FBXW8: variants seen among roughly 807,000 people sequenced by gnomAD.
FBXW8 encodes the protein F-box and WD repeat domain containing 8, also known as F-box/WD repeat-containing protein 8.
Under a neutral mutation model 65.3 loss-of-function variants are expected in FBXW8, and 57 were observed. That is an observed-to-expected ratio of 0.87 (90% CI 0.71 to 1.09). The LOEUF (loss-of-function observed/expected upper bound fraction) is 1.09. Ranked by LOEUF, FBXW8 falls within the 50% of genes least tolerant of loss-of-function variation. FBXW8 has a pLI of 0.00. For missense variants in FBXW8, 777 were observed against 814.8 expected (o/e 0.95, Z 0.57); for synonymous variants, 308 against 330.2 (o/e 0.93, Z 0.73).
chr12:116,941,807 T>C (rs1882584349), intron 2 of FBXW8, among the ~76,000 whole-genome samples: 1 of 152,214 alleles, frequency 6.6e-6, no homozygotes, highest in Admixed American at 6.5e-5. Context: ...TTTAAATTTC[T>C]TTACTCTGTT....
At chr12:117,027,335 G>T in intron 9 of FBXW8, 59 bp from the exon 10 acceptor site, 1 of 1,305,282 alleles carries the variant, frequency 7.7e-7, no homozygotes. Flanking sequence ...CCAGGCCTGC[G>T]GCAGCAAGTG....
At position 117,021,581 on chromosome 12, in the gene FBXW8, ATAGAG is replaced by A. The variant is rs146438472; in HGVS notation, c.1368-2563_1368-2559del. 2.1e-3 allele frequency among the ~76,000 whole-genome samples: 323 copies of A among 151,596 alleles called. 2 individuals carry two copies. Among genetic ancestry groups the A allele is most frequent in the African/African-American group, 7.6e-3 (312 of 40,892 alleles). On this transcript the variant is annotated intron_variant, in intron 8 of 10. Transcript: ENST00000652555. ...AGAGCTCCAAGTTGAGAAAATTATT[ATAGAG>A]TATTTTGCCTCTAACTGCTGTTACA...
intron 2 of FBXW8, among the ~76,000 whole-genome samples, chr12:116,930,864 G>T (rs1444601731): frequency 6.6e-6 from 1 of 152,214 alleles, no homozygotes; most frequent in Non-Finnish European, 1.5e-5. Flanking sequence ...CTGGCATGCA[G>T]TGGTACAATC....
intron 8 of FBXW8, among the ~76,000 whole-genome samples, chr12:117,022,355 TA>T (rs5801209): frequency 0.065 from 9,023 of 139,036 alleles, 649 homozygotes; most frequent in African/African-American, 0.18. Flanking sequence ...AAGAAACTAT[TA>T]AAAAAAAAAA....
chr12:116,965,239 C>T (rs1884243055), intron 5 of FBXW8, among the ~76,000 whole-genome samples: 2 of 152,224 alleles, frequency 1.3e-5, no homozygotes, highest in African/African-American at 4.8e-5. Context: ...AGGGGATAGA[C>T]ATAGGTCATC....
intron 8 of FBXW8, among the ~76,000 whole-genome samples, chr12:117,012,870 C>G (rs1489785890): frequency 6.6e-6 from 1 of 151,758 alleles, no homozygotes. Context: ...CAGATTAAGA[C>G]AAAAATGTTT....
intron 1 of FBXW8, among the ~76,000 whole-genome samples, chr12:116,925,468 C>T (rs114740492): frequency 6.6e-4 from 100 of 152,302 alleles, no homozygotes; most frequent in Middle Eastern, 3.4e-3. Flanking sequence ...AGCATTTGGT[C>T]TCCTCACCTT....
intron 8 of FBXW8, among the ~76,000 whole-genome samples, chr12:117,015,401 G>A (rs1040702073): frequency 3.3e-5 from 5 of 152,056 alleles, no homozygotes; most frequent in South Asian, 2.1e-4. Context: ...GAATCAGAAC[G>A]TCCTCCTTTC....
chr12:116,922,173 C>T (rs552722108), intron 1 of FBXW8, among the ~76,000 whole-genome samples: 3 of 152,026 alleles, frequency 2.0e-5, no homozygotes, highest in Admixed American at 1.3e-4. Flanking sequence ...ATATATATTT[C>T]GAGACAAATT....
At chr12:117,027,649 T>C (rs939486387) in intron 10 of FBXW8, 145 bp downstream of exon 10, 4 of 709,212 alleles carry the variant, frequency 5.6e-6, no homozygotes, top group Non-Finnish European at 7.4e-6. Context: ...AACATAAACG[T>C]GGATGCTGAC....
At chr12:116,978,400 T>G (rs1885094822) in intron 5 of FBXW8, 1 of 152,238 alleles carries the variant, frequency 6.6e-6, no homozygotes, top group African/African-American at 2.4e-5. Flanking sequence ...GTCAGTGCTA[T>G]GGGTATATTT....
chr12:117,022,427 G>A (rs547938811), intron 8 of FBXW8, among the ~76,000 whole-genome samples: 13 of 151,852 alleles, frequency 8.6e-5, no homozygotes, highest in African/African-American at 2.9e-4. Flanking sequence ...GGCTGAGGTG[G>A]GTAGATCCCT....
chr12:117,013,449 C>T (rs776274395), intron 8 of FBXW8, among the ~76,000 whole-genome samples: 2 of 151,876 alleles, frequency 1.3e-5, no homozygotes, highest in Non-Finnish European at 2.9e-5. Context: ...CATATTTTGT[C>T]TCTTCTCGCT....
chr12:116,916,534 G>C (rs900614746), intron 1 of FBXW8, among the ~76,000 whole-genome samples: 2 of 152,100 alleles, frequency 1.3e-5, no homozygotes, highest in Admixed American at 1.3e-4. Context: ...GTGTTGTAAG[G>C]TCTTTAGATT....
chr12:116,991,723 C>T (rs567620052), intron 7 of FBXW8, among the ~76,000 whole-genome samples: 8 of 152,256 alleles, frequency 5.3e-5, no homozygotes, highest in African/African-American at 1.9e-4. Context: ...TTGTTTGTAC[C>T]TGATACAAAA....
chr12:116,984,976 G>A (rs569699924), intron 5 of FBXW8, among the ~76,000 whole-genome samples: 107 of 152,264 alleles, frequency 7.0e-4, no homozygotes, highest in African/African-American at 2.2e-3. Flanking sequence ...GGCGAAGAGT[G>A]AGGCACTGTT....
chr12:117,025,941 C>T (rs1954217302), intron 9 of FBXW8, among the ~76,000 whole-genome samples: 1 of 152,238 alleles, frequency 6.6e-6, no homozygotes, highest in African/African-American at 2.4e-5. Flanking sequence ...GTGGCCCTGT[C>T]CCAGCACTGC....
chr12:116,933,935 C>A (rs1881968751), intron 2 of FBXW8, among the ~76,000 whole-genome samples: 1 of 152,064 alleles, frequency 6.6e-6, no homozygotes, highest in Non-Finnish European at 1.5e-5. Context: ...TTCTCTCTCT[C>A]CATCTCTCTT....
intron 8 of FBXW8, among the ~76,000 whole-genome samples, chr12:117,023,247 G>A (rs569478646): frequency 8.2e-4 from 125 of 152,300 alleles, no homozygotes; most frequent in African/African-American, 2.9e-3. Flanking sequence ...TGGGTCAGAC[G>A]TGCGTTTTTA....
Sources: gnomAD v4.1 joint callset for allele counts (sites outside exome capture counted in the v4.1 genomes callset) on GRCh38, gnomAD v4.1.1 for gene constraint, MANE v1.5 for transcripts, NCBI Gene and HGNC (gene_info 2026-07-23, HGNC 2026-07-21) for gene names.